Variants in QKI observed in about 807,000 individuals in gnomAD.
QKI encodes QKI, KH domain containing RNA binding, also known as KH domain-containing RNA-binding protein QKI.
A neutral mutation model predicts 39.0 loss-of-function variants in QKI; 10 were observed. The observed-to-expected ratio is 0.26, with a 90% CI of 0.16 to 0.43. The LOEUF is 0.43. Among genes scored for constraint, QKI ranks in the 20% least tolerant of loss-of-function variants. The pLI, the probability that QKI is intolerant of heterozygous loss-of-function variation, is 1.00. For synonymous variants in QKI, 204 were observed against 155.4 expected, an observed-to-expected ratio of 1.31 and a Z score of -2.33; for missense variants, 218 against 428.0, an observed-to-expected ratio of 0.51 and a Z score of 4.33.
chr6:163,517,488 G>A (rs939943546), intron 3 of QKI, among the ~76,000 whole-genome samples: 1 of 151,728 alleles, frequency 6.6e-6, no homozygotes, highest in Non-Finnish European at 1.5e-5. Flanking sequence ...CTTAATCTTG[G>A]TTCATTGAAA....
chr6:163,489,651 C>A (rs2128228093), intron 3 of QKI, among the ~76,000 whole-genome samples: 1 of 150,684 alleles, frequency 6.6e-6, no homozygotes, highest in South Asian at 2.1e-4. Flanking sequence ...TAAGAAACTA[C>A]TTCTTAAATG....
chr6:163,477,701 T>C (rs571249835), intron 2 of QKI, among the ~76,000 whole-genome samples: 7 of 152,198 alleles, frequency 4.6e-5, no homozygotes, highest in Admixed American at 1.3e-4. Flanking sequence ...TCGGAGACTT[T>C]CTTCGAATGA....
intron 1 of QKI, among the ~76,000 whole-genome samples, chr6:163,446,347 A>G (rs1259174658): frequency 6.6e-6 from 1 of 152,186 alleles, no homozygotes; most frequent in Non-Finnish European, 1.5e-5. Flanking sequence ...TATCTTGGGT[A>G]CCCGTTTCCA....
chr6:163,471,804 T>C (rs769969878), intron 2 of QKI, among the ~76,000 whole-genome samples: 2 of 151,654 alleles, frequency 1.3e-5, no homozygotes, highest in Non-Finnish European at 2.9e-5. Flanking sequence ...AAATTGGCTG[T>C]TCCTGTTAAA....
At chr6:163,431,511 T>A (rs1788827370) in intron 1 of QKI, among the ~76,000 whole-genome samples, 1 of 152,016 alleles carries the variant, frequency 6.6e-6, no homozygotes, top group South Asian at 2.1e-4. Context: ...TTTTTTAAAT[T>A]TGGGAATGAC....
rs1261506028 is a variant in QKI, at chr6:163,577,082, T to TG, written c.*6374dup. The TG allele has an allele frequency of 6.6e-6, 1 of 152,198 alleles. No homozygotes were observed. The highest frequency in any genetic ancestry group is 6.5e-5 in the Admixed American group (1 of 15,280). 9.4% of individuals were successfully genotyped at this position (152,198 alleles called of 1,614,324 possible). A position where few individuals can be genotyped will look rare whatever the true frequency, so the allele number is the denominator to read the frequency against. ...GTGTCATTAACCTGTTGAACAGAAT[T>TG]GGTTTATTAAAAAAATCATTTCCAG... is the stretch of plus-strand genomic sequence containing the variant. On this transcript the variant is annotated 3_prime_UTR_variant, in exon 8 of 8. Transcript: ENST00000361752.
At chr6:163,511,392 C>G (rs9347754) in intron 3 of QKI, among the ~76,000 whole-genome samples, 125,554 of 151,914 alleles carry the variant, frequency 0.83, 52,286 homozygotes, top group East Asian at 1. Context: ...ATACGGACAA[C>G]TAGAGAAAAA....
intron 2 of QKI, among the ~76,000 whole-genome samples, chr6:163,471,505 A>G (rs1443478791): frequency 1.3e-5 from 2 of 152,302 alleles, no homozygotes; most frequent in Middle Eastern, 3.4e-3. Flanking sequence ...ACAAAGGCAT[A>G]TAAACTGGAT....
chr6:163,514,698 G>T (rs1779683288), intron 3 of QKI, among the ~76,000 whole-genome samples: 1 of 152,144 alleles, frequency 6.6e-6, no homozygotes, highest in Non-Finnish European at 1.5e-5. Flanking sequence ...GAAGTGGGAA[G>T]CGTGAATTTA....
At chr6:163,489,157 GTTT>G (rs368383400) in intron 3 of QKI, among the ~76,000 whole-genome samples, 1 of 119,432 alleles carries the variant, frequency 8.4e-6, no homozygotes. Context: ...GCCTTTATTC[GTTT>G]TTTTTTTTTT....
At chr6:163,502,579 G>C (rs1461094770) in intron 3 of QKI, among the ~76,000 whole-genome samples, 1 of 151,924 alleles carries the variant, frequency 6.6e-6, no homozygotes, top group Non-Finnish European at 1.5e-5. Context: ...TTCATAAAGG[G>C]GCTCCATTGT....
intron 3 of QKI, among the ~76,000 whole-genome samples, chr6:163,492,483 C>G (rs1778119052): frequency 6.6e-6 from 1 of 151,958 alleles, no homozygotes; most frequent in African/African-American, 2.4e-5. Flanking sequence ...AATTATTCTT[C>G]ATTTTGTGAA....
rs1790018388 is a variant in QKI at position 163,444,745 on chromosome 6, A to C, written c.143-10534A>C. ...TGAAGAAAGCAAATATGTATAATTA[A>C]AATTTTAACAACATTATTTAAACTG... is the stretch of plus-strand genomic sequence containing the variant. On this transcript the variant is annotated intron_variant, in intron 1 of 7. Transcript: ENST00000361752. Among the ~76,000 whole-genome samples, 3 of 152,298 alleles carry C rather than the reference A, an allele frequency of 2.0e-5. No individual in the cohort carries two copies. In the South Asian group the frequency reaches 6.2e-4, roughly 32 times the overall value.
chr6:163,517,049 C>T (rs912032553), intron 3 of QKI, among the ~76,000 whole-genome samples: 1 of 87,562 alleles, frequency 1.1e-5, no homozygotes, highest in Admixed American at 1.4e-4. Flanking sequence ...CACACACACA[C>T]ACACACTCAC....
rs1784003003 is a variant in QKI, at chr6:163,576,904, TAAAC to T, written c.*6196_*6199del. 1 of 152,214 alleles carries T rather than the reference TAAAC, an allele frequency of 6.6e-6. No homozygotes were observed. The highest frequency in any genetic ancestry group is 1.5e-5 in the Non-Finnish European group (1 of 68,030). 9.4% of individuals were successfully genotyped at this position (152,214 alleles called of 1,614,324 possible). Reference sequence around the variant, plus strand: ...GATTTTAGCCATTAAGGGAGATTAGTAAACAGACTGCTACAGTGTTCCATAGTTG... The same window carrying T: ...GATTTTAGCCATTAAGGGAGATTAGTAGACTGCTACAGTGTTCCATAGTTG... On this transcript the variant is annotated 3_prime_UTR_variant, in exon 8 of 8. Coordinates refer to ENST00000361752, the MANE Select transcript of QKI (RefSeq NM_006775.3).
chr6:163,465,471 T>C (rs969925754), intron 2 of QKI, among the ~76,000 whole-genome samples: 42 of 149,684 alleles, frequency 2.8e-4, no homozygotes, highest in African/African-American at 1.0e-3. Flanking sequence ...TACTAAAAAA[T>C]ACAAAAATTC....
At chr6:163,549,823 C>T (rs1384847315) in intron 4 of QKI, among the ~76,000 whole-genome samples, 1 of 152,214 alleles carries the variant, frequency 6.6e-6, no homozygotes, top group South Asian at 2.1e-4. Context: ...TTGTTATTCT[C>T]TACCTCTTAA....
Position 163,572,567 on chromosome 6 carries a change from T to C in QKI, c.*1857T>C, listed in dbSNP as rs1028488306. The C allele has an allele frequency of 6.6e-5, 10 of 151,738 alleles. No individual in the cohort carries two copies. The highest frequency in any genetic ancestry group is 1.7e-4 in the African/African-American group (7 of 41,206). The allele number at this position is 151,738 out of a possible 1,614,324, so 9.4% of individuals were successfully genotyped here. A position where few individuals can be genotyped will look rare whatever the true frequency, so the allele number is the denominator to read the frequency against. On this transcript the variant is annotated 3_prime_UTR_variant, in exon 8 of 8. Transcript: ENST00000361752. ...TTCTCAAGAAGTTGAAACAGTTAGT[T>C]ATGTAGTTGAAGCAATTTGTGTGCA...
chr6:163,432,569 A>AT (rs906952240), intron 1 of QKI, among the ~76,000 whole-genome samples: 17 of 149,746 alleles, frequency 1.1e-4, no homozygotes, highest in East Asian at 3.9e-4. Context: ...ATTAAAAAAA[A>AT]TTTTTTTTTT....
Sources: allele counts gnomAD v4.1 joint callset (sites outside exome capture counted in the v4.1 genomes callset), GRCh38; gene constraint gnomAD v4.1.1; transcripts MANE v1.5; gene names NCBI Gene and HGNC (gene_info 2026-07-23, HGNC 2026-07-21).